The following CTXN2 variants were observed in gnomAD, a reference collection of about 807,000 sequenced individuals.
The protein encoded by CTXN2 is cortexin 2.
CTXN2 carries 3 observed loss-of-function variants against 5.7 expected under a neutral mutation model. That is an observed-to-expected ratio of 0.53 (90% CI 0.24 to 1.36). CTXN2 has a LOEUF of 1.36. CTXN2 is among the 40% of genes most tolerant of loss of function. The pLI is 0.17. For synonymous variants in CTXN2, 38 were observed against 36.4 expected (o/e 1.04, Z -0.16); for missense variants, 87 against 93.0 (o/e 0.94, Z 0.26).
At chr15:48,187,661 C>T (rs1380677988), upstream of CTXN2, among the ~76,000 whole-genome samples, 1 of 152,162 alleles carries the variant, frequency 6.6e-6, no homozygotes, top group Non-Finnish European at 1.5e-5. Context: ...GAAAAGAATC[C>T]TGAGCTCAGT....
chr15:48,201,386 C>A lies in CTXN2; in HGVS notation c.86C>A (p.Thr29Asn). 6.4e-7 allele frequency: 1 copy of A among 1,551,386 alleles called. No individual in the cohort carries two copies. The highest frequency in any genetic ancestry group is 8.7e-7 in the Non-Finnish European group (1 of 1,146,750). The change falls in exon 2 of 2, where the codon ACT becomes AAT. Residue 29 changes from threonine to asparagine, a missense_variant. Transcript: ENST00000417307. ...SAFSLTLEQK[T>N]GFAFVGILCI... Reference sequence around the variant, plus strand: ...TTCTCATTGACTCTGGAGCAAAAAACTGGCTTTGCTTTTGTTGGGATTTTG... The same window carrying A: ...TTCTCATTGACTCTGGAGCAAAAAAATGGCTTTGCTTTTGTTGGGATTTTG...
At chr15:48,184,416 A>ACC (rs1458466721) in intron 1 of CTXN2, among the ~76,000 whole-genome samples, 4 of 152,228 alleles carry the variant, frequency 2.6e-5, no homozygotes, top group Non-Finnish European at 2.9e-5. Flanking sequence ...ATTAAAAATA[A>ACC]CTGGCAACTT....
chr15:48,193,089 C>T (rs1371466411), intron 1 of CTXN2, among the ~76,000 whole-genome samples: 1 of 152,116 alleles, frequency 6.6e-6, no homozygotes, highest in Non-Finnish European at 1.5e-5. Context: ...TTTTTACTTA[C>T]TAGTTGCCAA....
upstream of CTXN2, among the ~76,000 whole-genome samples, chr15:48,187,238 G>T (rs2040766423): frequency 6.7e-6 from 1 of 150,208 alleles, no homozygotes; most frequent in Non-Finnish European, 1.5e-5. Context: ...CATATACATA[G>T]GAGTTCATTT....
Position 48,201,569 on chromosome 15 carries a change from A to G in CTXN2, c.*23A>G. On this transcript the variant is annotated 3_prime_UTR_variant, in exon 2 of 2. Coordinates refer to ENST00000417307, the MANE Select transcript of CTXN2 (RefSeq NM_001145668.2). ...TGAGAGTTCCAGCTATATGGTTTTT[A>G]TGGTTGTGCCATCGGGACACATTCT... 6.5e-7 allele frequency: 1 copy of G among 1,549,014 alleles called. No individual in the cohort carries two copies. The highest frequency in any genetic ancestry group is 8.7e-7 in the Non-Finnish European group (1 of 1,145,134).
intron 1 of CTXN2, among the ~76,000 whole-genome samples, chr15:48,182,849 T>C (rs1222163153): frequency 1.3e-5 from 2 of 152,116 alleles, no homozygotes; most frequent in African/African-American, 4.8e-5. Context: ...GTTTGAAATA[T>C]TAGGAAGAGC....
upstream of CTXN2, among the ~76,000 whole-genome samples, chr15:48,187,529 G>T (rs2040769914): frequency 6.6e-6 from 1 of 152,156 alleles, no homozygotes; most frequent in Non-Finnish European, 1.5e-5. Context: ...CTGAAAAATT[G>T]AAAGTAACAT....
intron 1 of CTXN2, among the ~76,000 whole-genome samples, chr15:48,194,771 C>T (rs1333765505): frequency 1.3e-5 from 2 of 152,100 alleles, no homozygotes; most frequent in African/African-American, 4.8e-5. Context: ...TAAAATTGCT[C>T]TCTGGATCAA....
At chr15:48,191,449 T>C (rs778564061), upstream of CTXN2, 31 of 219,138 alleles carry the variant, frequency 1.4e-4, no homozygotes, top group Non-Finnish European at 2.5e-4. Flanking sequence ...TCCTCTTTCT[T>C]TTAGCAGAAC....
intron 1 of CTXN2, among the ~76,000 whole-genome samples, chr15:48,196,946 G>T (rs1597387187): frequency 1.3e-5 from 2 of 151,408 alleles, no homozygotes; most frequent in Non-Finnish European, 2.9e-5. Flanking sequence ...GTCTGAAAAT[G>T]AGATTTTTAA....
intron 1 of CTXN2, among the ~76,000 whole-genome samples, chr15:48,195,201 G>A (rs899601113): frequency 2.6e-5 from 4 of 151,976 alleles, no homozygotes; most frequent in East Asian, 1.9e-4. Flanking sequence ...ACACTTGTCC[G>A]AGCTTAATAG....
At chr15:48,188,435 A>G (rs2040780497), upstream of CTXN2, among the ~76,000 whole-genome samples, 1 of 152,152 alleles carries the variant, frequency 6.6e-6, no homozygotes, top group African/African-American at 2.4e-5. Flanking sequence ...ACTGGTATTG[A>G]AAGAAATGCT....
At chr15:48,198,839 A>G (rs1352349195) in intron 1 of CTXN2, among the ~76,000 whole-genome samples, 1 of 152,208 alleles carries the variant, frequency 6.6e-6, no homozygotes, top group Non-Finnish European at 1.5e-5. Context: ...TTTAGCTAAC[A>G]TCATAACTAT....
chr15:48,187,932 C>A (rs1225250771), upstream of CTXN2, among the ~76,000 whole-genome samples: 2 of 152,082 alleles, frequency 1.3e-5, no homozygotes, highest in Non-Finnish European at 2.9e-5. Flanking sequence ...TGAAAAATTT[C>A]TTCGTCATCT....
At chr15:48,197,123 T>C (rs1200675661) in intron 1 of CTXN2, among the ~76,000 whole-genome samples, 2 of 151,988 alleles carry the variant, frequency 1.3e-5, no homozygotes, top group Non-Finnish European at 2.9e-5. Context: ...AACCATCTTG[T>C]ACAAATAAAG....
intron 1 of CTXN2, among the ~76,000 whole-genome samples, chr15:48,196,793 C>T (rs555960734): frequency 1.2e-4 from 19 of 152,046 alleles, no homozygotes; most frequent in Non-Finnish European, 2.4e-4. Context: ...AGATCAATTC[C>T]GAGTTGCCAA....
chr15:48,194,164 C>A (rs911447077), intron 1 of CTXN2, among the ~76,000 whole-genome samples: 2 of 151,760 alleles, frequency 1.3e-5, no homozygotes, highest in Non-Finnish European at 2.9e-5. Flanking sequence ...AATATAAAAG[C>A]CTGTTTTCTC....
chr15:48,188,776 T>C (rs1044190035), upstream of CTXN2, among the ~76,000 whole-genome samples: 1 of 152,208 alleles, frequency 6.6e-6, no homozygotes, highest in African/African-American at 2.4e-5. Flanking sequence ...ATATATTTCA[T>C]GCCTTTCAGC....
At chr15:48,193,687 C>A (rs2040848662) in intron 1 of CTXN2, among the ~76,000 whole-genome samples, 1 of 151,916 alleles carries the variant, frequency 6.6e-6, no homozygotes, top group African/African-American at 2.4e-5. Context: ...ATTTTGAACA[C>A]CTTAGTAATT....
Sources: gnomAD v4.1 joint callset for allele counts (sites outside exome capture counted in the v4.1 genomes callset) on GRCh38, gnomAD v4.1.1 for gene constraint, MANE v1.5 for transcripts, NCBI Gene and HGNC (gene_info 2026-07-23, HGNC 2026-07-21) for gene names.